The following DMD variants were observed in gnomAD, a reference collection of about 807,000 sequenced individuals.
DMD encodes mutant dystrophin.
In DMD, 63 loss-of-function variants were observed where a neutral mutation model predicts 330.1. That is an observed-to-expected ratio of 0.19 (90% CI 0.16 to 0.24). The LOEUF is 0.24. DMD is among the 10% of genes least tolerant of loss of function. The probability of loss-of-function intolerance (pLI) is 1.00; values close to 1 mark genes in which losing one functional copy is unlikely to be tolerated. For synonymous variants in DMD, 1,223 were observed against 959.8 expected (o/e 1.27, Z -5.07); for missense variants, 3,344 against 2,684.1 (o/e 1.25, Z -5.43).
At chrX:33,020,850 C>T (rs1448465509) in intron 1 of DMD, among the ~76,000 whole-genome samples, 1 of 110,904 alleles carries the variant, frequency 9.0e-6, no homozygotes. Context: ...AAAACTATTT[C>T]GGAGCCTTTC....
intron 51 of DMD, among the ~76,000 whole-genome samples, chrX:31,758,389 C>T (rs1337855296): frequency 1.8e-5 from 2 of 111,316 alleles, no homozygotes; most frequent in Non-Finnish European, 3.8e-5. Flanking sequence ...TGGGCACACT[C>T]TGTCGTCTGA....
chrX:32,099,894 A>T lies in DMD; in HGVS notation c.6438+117022T>A, dbSNP rs183659008. Among the ~76,000 whole-genome samples, 805 of 83,890 alleles carry T rather than the reference A, an allele frequency of 9.6e-3. 9 individuals are homozygous for T. Among genetic ancestry groups the T allele is most frequent in the African/African-American group, 0.06 (706 of 11,759 alleles). The allele number at this position is 83,890 out of a possible 115,157, so 72.8% of individuals were successfully genotyped here. ...GTACCCTAAAACTTAAAGTATAATT[A>T]AAAAAAAAAAGGATGTATCCTACCA... is the stretch of plus-strand genomic sequence containing the variant. On this transcript the variant is annotated intron_variant, in intron 44 of 78. Coordinates refer to ENST00000357033, the MANE Select transcript of DMD (RefSeq NM_004006.3).
chrX:31,473,370 A>AG (rs2067457750), intron 59 of DMD, among the ~76,000 whole-genome samples: 1 of 107,587 alleles, frequency 9.3e-6, no homozygotes, highest in East Asian at 2.9e-4. Flanking sequence ...TGTCTCAAAA[A>AG]AAAAAAAATT....
At chrX:32,085,961 CAATA>C (rs1569541267) in intron 44 of DMD, among the ~76,000 whole-genome samples, 1 of 111,522 alleles carries the variant, frequency 9.0e-6, no homozygotes, top group Admixed American at 9.6e-5. Context: ...GCTAAGTTAT[CAATA>C]AAACTGTTAT....
At chrX:32,450,440 CAT>C (rs1307916176) in intron 26 of DMD, among the ~76,000 whole-genome samples, 2 of 110,817 alleles carry the variant, frequency 1.8e-5, no homozygotes, top group African/African-American at 6.5e-5. Flanking sequence ...CATCACTGAG[CAT>C]AGAGATTGTT....
chrX:31,218,627 T>C (rs772961642), intron 64 of DMD, among the ~76,000 whole-genome samples: 2 of 111,860 alleles, frequency 1.8e-5, no homozygotes, highest in African/African-American at 6.5e-5. Flanking sequence ...TGAAAACATA[T>C]TGAACCATGC....
chrX:31,916,236 C>T (rs1291434937), intron 47 of DMD, among the ~76,000 whole-genome samples: 3 of 112,166 alleles, frequency 2.7e-5, no homozygotes, highest in Non-Finnish European at 5.6e-5. Context: ...AACACAACAG[C>T]TCACGGGACC....
chrX:33,068,178 G>A (rs775474591), intron 1 of DMD, among the ~76,000 whole-genome samples: 1 of 112,292 alleles, frequency 8.9e-6, no homozygotes, highest in South Asian at 3.7e-4. Context: ...AGACCTACCA[G>A]AAGAATATCA....
intron 42 of DMD, among the ~76,000 whole-genome samples, chrX:32,306,652 C>G (rs1056530062): frequency 1.6e-4 from 18 of 110,106 alleles, no homozygotes; most frequent in African/African-American, 5.6e-4. Context: ...CTCCTTGTTT[C>G]TCTCCTTATT....
At chrX:32,027,016 T>G (rs2095849819) in intron 44 of DMD, among the ~76,000 whole-genome samples, 1 of 110,874 alleles carries the variant, frequency 9.0e-6, no homozygotes, top group Admixed American at 9.7e-5. Context: ...GGCTGGGAAA[T>G]GTAGTTGCTG....
At chrX:31,998,759 A>G (rs1314470179) in intron 44 of DMD, among the ~76,000 whole-genome samples, 1 of 112,123 alleles carries the variant, frequency 8.9e-6, no homozygotes, top group Non-Finnish European at 1.9e-5. Flanking sequence ...AATAGTTCCA[A>G]CTTCATAAAA....
chrX:32,720,497 T>C (rs1301808926), intron 7 of DMD, among the ~76,000 whole-genome samples: 1 of 112,269 alleles, frequency 8.9e-6, no homozygotes, highest in Non-Finnish European at 1.9e-5. Flanking sequence ...TGGGGATTTT[T>C]TTAACGCCTT....
At chrX:31,844,506 C>A (rs983018705) in intron 48 of DMD, among the ~76,000 whole-genome samples, 4 of 111,365 alleles carry the variant, frequency 3.6e-5, no homozygotes, top group African/African-American at 1.3e-4. Flanking sequence ...TTTTACTCTT[C>A]AGACTGTTTT....
intron 45 of DMD, among the ~76,000 whole-genome samples, chrX:31,937,644 T>G (rs1250099004): frequency 1.8e-5 from 2 of 112,032 alleles, no homozygotes; most frequent in Non-Finnish European, 3.8e-5. Context: ...CAATTTGAAT[T>G]TATGTATTCA....
At chrX:31,131,615 C>G (rs1362193950) in intron 77 of DMD, among the ~76,000 whole-genome samples, 1 of 111,315 alleles carries the variant, frequency 9.0e-6, no homozygotes, top group East Asian at 2.8e-4. Context: ...TTTGTAATCC[C>G]AAGATGTTAA....
chrX:31,320,203 C>T lies in DMD; in HGVS notation c.9224+3395G>A, dbSNP rs1238204961. ...GTATCAAAATCAAGGTTCTTAGCCTCATATGAAAAGCTGATGTCAGGATGC... is the reference window on the plus strand; with the variant it reads ...GTATCAAAATCAAGGTTCTTAGCCTTATATGAAAAGCTGATGTCAGGATGC... On this transcript the variant is annotated intron_variant, in intron 62 of 78. Transcript: ENST00000357033. 7.1e-5 allele frequency among the ~76,000 whole-genome samples: 8 copies of T among 112,102 alleles called. No homozygotes were observed. In the Admixed American group the frequency reaches 7.6e-4, roughly 11 times the overall value.
Position 32,809,605 on chromosome X carries a change from G to C in DMD, c.537C>G (p.Asp179Glu). Residue 179 changes from aspartate (D) to glutamate (E), a missense_variant, in exon 7 of 79, where the codon GAC (aspartate) becomes GAG (glutamate). Transcript: ENST00000357033. ...AAACCACACTATTCCAGTCAAATAG[G>C]TCTGGCCTAAAACACATACACATAC... is the stretch of plus-strand genomic sequence containing the variant. ...LNALIHSHRPDLFDWNSVVCQ... is the reference protein window; with the variant it reads ...LNALIHSHRPELFDWNSVVCQ... The C allele has an allele frequency of 8.3e-7, 1 of 1,207,244 alleles. No homozygotes were observed. Among genetic ancestry groups the C allele is most frequent in the Non-Finnish European group, 1.1e-6 (1 of 892,070 alleles).
intron 55 of DMD, among the ~76,000 whole-genome samples, chrX:31,555,992 T>G (rs1338355823): frequency 9.0e-6 from 1 of 111,584 alleles, no homozygotes; most frequent in African/African-American, 3.3e-5. Context: ...CATCATTGCA[T>G]TTAAGTAATT....
chrX:32,233,186 G>A (rs1431270727), intron 43 of DMD, among the ~76,000 whole-genome samples: 1 of 112,043 alleles, frequency 8.9e-6, no homozygotes, highest in African/African-American at 3.2e-5. Context: ...GGTATGAACT[G>A]AAGTTGTAGC....
Sources: allele counts gnomAD v4.1 joint callset (sites outside exome capture counted in the v4.1 genomes callset), GRCh38; gene constraint gnomAD v4.1.1; transcripts MANE v1.5; gene names NCBI Gene and HGNC (gene_info 2026-07-23, HGNC 2026-07-21).